PLSCR2: variants seen among roughly 807,000 people sequenced by gnomAD.
PLSCR2 encodes the protein PL scramblase 2.
A neutral mutation model predicts 25.3 loss-of-function variants in PLSCR2; 18 were observed. The observed-to-expected ratio is 0.71, with a 90% CI of 0.49 to 1.06. The LOEUF is 1.06. Among genes scored for constraint, PLSCR2 ranks in the 50% least tolerant of loss-of-function variants. The pLI is 0.00. For missense variants in PLSCR2, 243 were observed against 269.5 expected (o/e 0.90, Z 0.69); for synonymous variants, 88 against 87.3 (o/e 1.01, Z -0.04).
At chr3:146,429,225 C>A (rs1576604935), downstream of PLSCR2, among the ~76,000 whole-genome samples, 1 of 152,116 alleles carries the variant, frequency 6.6e-6, no homozygotes, top group Non-Finnish European at 1.5e-5. Flanking sequence ...AGGGGACCAG[C>A]ATGTCACATG....
chr3:146,460,000 A>G, exon 2 of PLSCR2: 1 of 1,612,092 alleles, frequency 6.2e-7, no homozygotes, highest in Non-Finnish European at 8.5e-7. Context: ...CGTCCTGGGT[A>G]GAAGGCCTGG....
At chr3:146,432,230 C>G (rs951825414), downstream of PLSCR2, among the ~76,000 whole-genome samples, 13 of 151,964 alleles carry the variant, frequency 8.6e-5, no homozygotes, top group South Asian at 2.1e-4. Flanking sequence ...TGGGGAGAAC[C>G]CTTTCAAGTT....
intron 2 of PLSCR2, among the ~76,000 whole-genome samples, chr3:146,410,441 A>G (rs1236754456): frequency 6.6e-6 from 1 of 152,188 alleles, no homozygotes; most frequent in Non-Finnish European, 1.5e-5. Flanking sequence ...GGGTATGACA[A>G]TCTAAACACC....
intron 1 of PLSCR2, among the ~76,000 whole-genome samples, chr3:146,465,930 C>G (rs1326438676): frequency 6.6e-6 from 1 of 152,140 alleles, no homozygotes; most frequent in East Asian, 1.9e-4. Context: ...TAAAGCAGAG[C>G]AAGCACAGAT....
Position 146,483,987 on chromosome 3 carries a change from T to C in PLSCR2, c.-293+11908A>G, listed in dbSNP as rs112108932. ...CTTCAGAAGATGGGTAATAACAAAC[T>C]TCACTGAGCTAAAGAAGCATGTTCT... On this transcript the variant is annotated intron_variant, in intron 1 of 8. Transcript: ENST00000336685. 3.2e-3 allele frequency among the ~76,000 whole-genome samples: 480 copies of C among 151,510 alleles called. 3 individuals carry two copies. Among genetic ancestry groups the C allele is most frequent in the Non-Finnish European group, 5.1e-3 (347 of 67,826 alleles).
chr3:146,459,788 T>C, intron 2 of PLSCR2, 60 bp downstream of exon 2: 1 of 1,227,542 alleles, frequency 8.1e-7, no homozygotes, highest in Non-Finnish European at 1.2e-6. Flanking sequence ...ATTACTATGG[T>C]TCATAAACCA....
chr3:146,410,442 T>C (rs2038808076), intron 2 of PLSCR2, among the ~76,000 whole-genome samples: 2 of 152,168 alleles, frequency 1.3e-5, no homozygotes, highest in Non-Finnish European at 2.9e-5. Flanking sequence ...GGTATGACAA[T>C]CTAAACACCT....
intron 1 of PLSCR2, among the ~76,000 whole-genome samples, chr3:146,492,820 T>C (rs1044717907): frequency 1.3e-5 from 2 of 151,908 alleles, no homozygotes; most frequent in Non-Finnish European, 2.9e-5. Flanking sequence ...TGAATGAATA[T>C]GAGATGTGAA....
chr3:146,467,949 G>T (rs1262213783), intron 1 of PLSCR2, among the ~76,000 whole-genome samples: 2 of 152,116 alleles, frequency 1.3e-5, no homozygotes, highest in Non-Finnish European at 1.5e-5. Flanking sequence ...TAGAGATGAG[G>T]ATGGAAAGGT....
At chr3:146,421,107 G>A (rs2039134160) in intron 2 of PLSCR2, among the ~76,000 whole-genome samples, 1 of 152,074 alleles carries the variant, frequency 6.6e-6, no homozygotes, top group African/African-American at 2.4e-5. Context: ...ATGTATTAGG[G>A]CAGGACAAAA....
intron 1 of PLSCR2, among the ~76,000 whole-genome samples, chr3:146,488,220 A>G (rs766006070): frequency 1.8e-4 from 27 of 152,294 alleles, no homozygotes; most frequent in Admixed American, 8.5e-4. Flanking sequence ...CAAAAACTAT[A>G]AAAACCCATG....
intron 3 of PLSCR2, among the ~76,000 whole-genome samples, chr3:146,394,978 C>G (rs1240205428): frequency 2.0e-5 from 3 of 152,156 alleles, no homozygotes; most frequent in Non-Finnish European, 1.5e-5. Context: ...GCCTGCTTCC[C>G]CTTCACCTTC....
At chr3:146,465,764 C>A (rs2041835477) in intron 1 of PLSCR2, among the ~76,000 whole-genome samples, 1 of 152,052 alleles carries the variant, frequency 6.6e-6, no homozygotes, top group Admixed American at 6.6e-5. Context: ...CTGTGAATAG[C>A]CCAGGGAGAA....
chr3:146,404,974 A>AGG (rs1213980362), intron 2 of PLSCR2, among the ~76,000 whole-genome samples: 1 of 152,106 alleles, frequency 6.6e-6, no homozygotes, highest in African/African-American at 2.4e-5. Context: ...TTAAGGCCTC[A>AGG]GGCAACCCTA....
chr3:146,472,545 C>T (rs748893300), intron 1 of PLSCR2, among the ~76,000 whole-genome samples: 5 of 152,314 alleles, frequency 3.3e-5, no homozygotes, highest in Admixed American at 2.6e-4. Flanking sequence ...ACATACATGG[C>T]ATCTTCTCAC....
intron 1 of PLSCR2, among the ~76,000 whole-genome samples, chr3:146,489,716 T>A (rs908961012): frequency 6.6e-6 from 1 of 152,142 alleles, no homozygotes; most frequent in African/African-American, 2.4e-5. Flanking sequence ...TTCGATCTTC[T>A]AATCTTCTGA....
chr3:146,477,652 G>T (rs2042334390), intron 1 of PLSCR2, among the ~76,000 whole-genome samples: 1 of 152,230 alleles, frequency 6.6e-6, no homozygotes, highest in Non-Finnish European at 1.5e-5. Context: ...ACCTTTGTGG[G>T]CAGGGCATAG....
At chr3:146,406,640 AG>A (rs2038668499) in intron 2 of PLSCR2, among the ~76,000 whole-genome samples, 1 of 152,192 alleles carries the variant, frequency 6.6e-6, no homozygotes, top group South Asian at 2.1e-4. Flanking sequence ...GCAGTTTTAA[AG>A]GGGCTTGACC....
intron 1 of PLSCR2, among the ~76,000 whole-genome samples, chr3:146,485,846 G>C (rs1276304963): frequency 6.6e-6 from 1 of 152,102 alleles, no homozygotes; most frequent in African/African-American, 2.4e-5. Flanking sequence ...GGAGGAGCAA[G>C]TCACGTCTTA....
Sources: gnomAD v4.1 joint callset for allele counts (sites outside exome capture counted in the v4.1 genomes callset) on GRCh38, gnomAD v4.1.1 for gene constraint, MANE v1.5 for transcripts, NCBI Gene and HGNC (gene_info 2026-07-23, HGNC 2026-07-21) for gene names.